The following HYLS1 variants were observed in gnomAD, a reference collection of about 807,000 sequenced individuals.
The protein encoded by HYLS1 is HYLS1 centriolar and ciliogenesis associated, also known as centriolar and ciliogenesis-associated protein HYLS1.
A neutral mutation model predicts 29.4 loss-of-function variants in HYLS1; 25 were observed. The ratio of observed to expected loss-of-function variants is 0.85; its 90% CI spans 0.62 to 1.19. The LOEUF (loss-of-function observed/expected upper bound fraction) is 1.19, where lower values mean the gene tolerates loss of function less well. Ranked by LOEUF, HYLS1 falls within the 50% of genes most tolerant of loss-of-function variation. HYLS1 has a pLI of 0.00. For synonymous variants in HYLS1, 128 were observed against 126.7 expected (o/e 1.01, Z -0.07); for missense variants, 352 against 365.1 (o/e 0.96, Z 0.29).
At chr11:125,896,194 C>G (rs1381125793) in intron 2 of HYLS1, 1 of 1,614,140 alleles carries the variant, frequency 6.2e-7, no homozygotes, top group Non-Finnish European at 8.5e-7. Context: ...TTGGCCTGTT[C>G]CTTTTTAAGT....
intron 2 of HYLS1, among the ~76,000 whole-genome samples, chr11:125,897,674 T>C (rs1356445806): frequency 6.6e-6 from 1 of 152,194 alleles, no homozygotes; most frequent in Non-Finnish European, 1.5e-5. Context: ...TATGAACTAT[T>C]TTTCAAGGAA....
chr11:125,888,272 C>G (rs373189838), intron 1 of HYLS1: 2 of 152,330 alleles, frequency 1.3e-5, no homozygotes, highest in African/African-American at 4.8e-5. Context: ...TTTGTCCACC[C>G]CGAAATGGAA....
At chr11:125,884,246 C>A (rs910491754), upstream of HYLS1, among the ~76,000 whole-genome samples, 2 of 152,188 alleles carry the variant, frequency 1.3e-5, no homozygotes, top group Admixed American at 1.3e-4. Context: ...AAAAGAAAGA[C>A]AAGTAGAAAA....
At chr11:125,884,385 G>A (rs138433929), upstream of HYLS1, among the ~76,000 whole-genome samples, 6,535 of 151,946 alleles carry the variant, frequency 0.043, 216 homozygotes, top group Middle Eastern at 0.086. Flanking sequence ...CGAGGTGGGC[G>A]GGTCACAAGG....
upstream of HYLS1, among the ~76,000 whole-genome samples, chr11:125,885,280 G>T (rs955991087): frequency 2.6e-5 from 4 of 152,122 alleles, no homozygotes; most frequent in African/African-American, 9.6e-5. Flanking sequence ...ATGAAACCCT[G>T]TCTCTACTAA....
chr11:125,894,233 T>C (rs1412437780), intron 2 of HYLS1: 2 of 1,613,074 alleles, frequency 1.2e-6, no homozygotes, highest in Non-Finnish European at 1.7e-6. Flanking sequence ...ATAGATCCAC[T>C]TGACATTTTC....
At chr11:125,892,740 G>T (rs1487281771) in intron 2 of HYLS1, among the ~76,000 whole-genome samples, 1 of 152,090 alleles carries the variant, frequency 6.6e-6, no homozygotes, top group African/African-American at 2.4e-5. Context: ...TGGTCACAGT[G>T]CCTCCAATCT....
At position 125,893,807 on chromosome 11, in the gene HYLS1, G is replaced by T. The variant is rs1944483297; in HGVS notation, c.-26+2335G>T. ...TGGTTAAATGATGCTTTTAATTTCT[G>T]TGTCAACACAGACCCTCTTCGTTGG... On this transcript the variant is annotated intron_variant, in intron 2 of 2. Coordinates refer to ENST00000425380, the MANE Select transcript of HYLS1 (RefSeq NM_001134793.2). 7 of 1,610,296 alleles carry T rather than the reference G, an allele frequency of 4.3e-6. No homozygotes were observed. In the East Asian group the frequency reaches 8.9e-5, roughly 21 times the overall value.
chr11:125,890,153 G>A lies in HYLS1; in HGVS notation c.-75-1270G>A, dbSNP rs1371714819. Among the ~76,000 whole-genome samples, 9 of 151,932 alleles carry A rather than the reference G, an allele frequency of 5.9e-5. No homozygotes were observed. The East Asian group carries it at 1.7e-3, about 29-fold the overall frequency. Reference sequence around the variant, plus strand: ...ATGGGGGTCTTGCTGTGTTGCACAGGCTGGTCTTGAACTCCTTCACAGCCT... The same window carrying A: ...ATGGGGGTCTTGCTGTGTTGCACAGACTGGTCTTGAACTCCTTCACAGCCT... On this transcript the variant is annotated intron_variant, in intron 1 of 2. Transcript: ENST00000425380.
intron 1 of HYLS1, among the ~76,000 whole-genome samples, chr11:125,889,950 G>T (rs905444994): frequency 1.3e-5 from 2 of 151,996 alleles, no homozygotes; most frequent in Non-Finnish European, 1.5e-5. Flanking sequence ...AATTTTTGTT[G>T]CTGTTTAGAA....
intron 2 of HYLS1, among the ~76,000 whole-genome samples, chr11:125,897,963 A>C (rs573368209): frequency 6.6e-6 from 1 of 152,354 alleles, no homozygotes; most frequent in East Asian, 1.9e-4. Flanking sequence ...TGGCTGACTA[A>C]ATTTATGATA....
chr11:125,891,917 G>A (rs1944419568), intron 2 of HYLS1, among the ~76,000 whole-genome samples: 1 of 152,192 alleles, frequency 6.6e-6, no homozygotes. Flanking sequence ...TAGCAATTAT[G>A]CAGCATTAGT....
chr11:125,896,100 C>T lies in HYLS1; in HGVS notation c.-25-3244C>T, dbSNP rs375587284. Reference sequence around the variant, plus strand: ...GGCTATTCTTAGGGCTACGTGTCTTCGGCCATGAGCACTGAAATCAAATGC... The same window carrying T: ...GGCTATTCTTAGGGCTACGTGTCTTTGGCCATGAGCACTGAAATCAAATGC... On this transcript the variant is annotated intron_variant, in intron 2 of 2. Transcript: ENST00000425380. 170 of 1,614,064 alleles carry T rather than the reference C, an allele frequency of 1.1e-4. No individual in the cohort carries two copies. The highest frequency in any genetic ancestry group is 1.4e-4 in the Non-Finnish European group (164 of 1,180,042).
At chr11:125,884,236 A>G (rs535834651), upstream of HYLS1, among the ~76,000 whole-genome samples, 6 of 152,386 alleles carry the variant, frequency 3.9e-5, no homozygotes, top group South Asian at 1.2e-3. Context: ...AAACTTTAAA[A>G]AAAGAAAGAC....
intron 1 of HYLS1, among the ~76,000 whole-genome samples, chr11:125,890,523 C>T (rs1462312292): frequency 1.3e-5 from 2 of 152,190 alleles, no homozygotes; most frequent in Non-Finnish European, 2.9e-5. Context: ...CAATAGCCTC[C>T]CTATAGCAGT....
In HYLS1 at chr11:125,895,680, A is replaced by G. The variant is rs761469347; in HGVS notation, c.-25-3664A>G. On this transcript the variant is annotated intron_variant, in intron 2 of 2. Coordinates refer to ENST00000425380, the MANE Select transcript of HYLS1 (RefSeq NM_001134793.2). The stretch of plus-strand genomic sequence containing the variant: ...GTCTGGAGGGAGTACCCGATTGAGA[A>G]TGTGGGTATAACGGATCTCTTCAGC... 9.3e-6 allele frequency: 15 copies of G among 1,614,050 alleles called. 1 individual carries two copies. The Admixed American group carries it at 2.3e-4, about 25-fold the overall frequency.
rs146966020 is a variant in HYLS1, at chr11:125,893,850, T to G, written c.-26+2378T>G. On this transcript the variant is annotated intron_variant, in intron 2 of 2. Transcript: ENST00000425380. ...TTCGTTGGTGTCTCCAAATTAGTAT[T>G]CTCTTCCTCTAGTGTGTCATTACAG... The G allele has an allele frequency of 2.5e-6, 4 of 1,614,004 alleles. No individual in the cohort carries two copies. In the African/African-American group the frequency reaches 5.3e-5, roughly 22 times the overall value.
Position 125,895,650 on chromosome 11 carries a change from C to T in HYLS1, c.-25-3694C>T, listed in dbSNP as rs772532957. ...TTCTACAGGGGCCCAGGCCAATATACGGATGTCTGGAGGGAGTACCCGATT... is the reference window on the plus strand; with the variant it reads ...TTCTACAGGGGCCCAGGCCAATATATGGATGTCTGGAGGGAGTACCCGATT... On this transcript the variant is annotated intron_variant, in intron 2 of 2. Coordinates refer to ENST00000425380, the MANE Select transcript of HYLS1 (RefSeq NM_001134793.2). 8 of 1,614,082 alleles carry T rather than the reference C, an allele frequency of 5.0e-6. No homozygotes were observed. Among genetic ancestry groups the T allele is most frequent in the East Asian group, 4.5e-5 (2 of 44,902 alleles).
chr11:125,884,966 T>C (rs1041978078), upstream of HYLS1, among the ~76,000 whole-genome samples: 2 of 152,144 alleles, frequency 1.3e-5, no homozygotes, highest in Non-Finnish European at 2.9e-5. Flanking sequence ...CGGGGTTCAG[T>C]AGATTTCTGG....
Sources: allele counts gnomAD v4.1 joint callset (sites outside exome capture counted in the v4.1 genomes callset), GRCh38; gene constraint gnomAD v4.1.1; transcripts MANE v1.5; gene names NCBI Gene and HGNC (gene_info 2026-07-23, HGNC 2026-07-21).